Variants in SLAMF9 observed in about 807,000 individuals in gnomAD.
SLAMF9 encodes CD2 family member 10.
A neutral mutation model predicts 30.4 loss-of-function variants in SLAMF9; 25 were observed. That is an observed-to-expected ratio of 0.82 (90% CI 0.60 to 1.15). The LOEUF (loss-of-function observed/expected upper bound fraction) is 1.15. Ranked by LOEUF, SLAMF9 falls within the 50% of genes most tolerant of loss-of-function variation. SLAMF9 has a pLI of 0.00. For missense variants in SLAMF9, 344 were observed against 346.1 expected (o/e 0.99, Z 0.05); for synonymous variants, 129 against 127.2 (o/e 1.01, Z -0.09).
chr1:159,951,784 A>G lies in SLAMF9; in HGVS notation c.747T>C (p.Ile249=). 1 of 1,614,172 alleles carries G rather than the reference A, an allele frequency of 6.2e-7. No homozygotes were observed. Among genetic ancestry groups the G allele is most frequent in the Non-Finnish European group, 8.5e-7 (1 of 1,180,034 alleles). Residue 249 remains isoleucine (I), a synonymous_variant, in exon 4 of 4, where the codon ATT becomes ATC. Coordinates refer to ENST00000368093, the MANE Select transcript of SLAMF9 (RefSeq NM_033438.4). ...GGATGACCCAGAGTCCCATGGCCAG[A>G]ATTACCAAGAGCAAGAAGATGAGCA... ...KGLLIFLLLV[I]LAMGLWVIRV...
the SLAMF9 span, among the ~76,000 whole-genome samples, chr1:159,966,654 A>G: frequency 6.6e-6 from 1 of 152,226 alleles, no homozygotes; most frequent in African/African-American, 2.4e-5. Flanking sequence ...GATAAAAGCC[A>G]TTCTAACAGG....
At chr1:159,971,778 A>G in the SLAMF9 span, among the ~76,000 whole-genome samples, 7 of 152,142 alleles carry the variant, frequency 4.6e-5, no homozygotes, top group East Asian at 1.4e-3. Flanking sequence ...TTTGGGAAGG[A>G]CGCAGGGTCA....
the SLAMF9 span, among the ~76,000 whole-genome samples, chr1:159,962,204 G>A: frequency 1.3e-5 from 2 of 152,096 alleles, no homozygotes; most frequent in East Asian, 3.9e-4. Context: ...CAGAGGATGG[G>A]AGGCAAAGGG....
the SLAMF9 span, among the ~76,000 whole-genome samples, chr1:159,980,341 G>A: frequency 0.6 from 90,798 of 151,846 alleles, 31,018 homozygotes; most frequent in East Asian, 0.97. Flanking sequence ...ATCCCCCGAC[G>A]CCCTCCACCA....
At chr1:159,965,167 C>T in the SLAMF9 span, among the ~76,000 whole-genome samples, 4 of 152,196 alleles carry the variant, frequency 2.6e-5, no homozygotes, top group Non-Finnish European at 5.9e-5. Flanking sequence ...AACAGGAAAA[C>T]GCGAAGCTTA....
upstream of SLAMF9, among the ~76,000 whole-genome samples, chr1:159,957,135 A>AG (rs1001140789): frequency 1.9e-4 from 13 of 66,686 alleles, no homozygotes; most frequent in African/African-American, 5.0e-4. Flanking sequence ...AAAAAAAAAA[A>AG]AAGACAAAAA....
At chr1:159,962,156 C>CAA in the SLAMF9 span, among the ~76,000 whole-genome samples, 2 of 132,126 alleles carry the variant, frequency 1.5e-5, no homozygotes, top group African/African-American at 5.5e-5. Flanking sequence ...GACTCCATCT[C>CAA]AAAAAAAAAA....
chr1:159,963,088 C>G, the SLAMF9 span, among the ~76,000 whole-genome samples: 2 of 152,100 alleles, frequency 1.3e-5, no homozygotes, highest in Non-Finnish European at 2.9e-5. Context: ...TGGGTTCCTT[C>G]GTCTGCAGAA....
At chr1:159,966,451 G>C in the SLAMF9 span, among the ~76,000 whole-genome samples, 1 of 152,100 alleles carries the variant, frequency 6.6e-6, no homozygotes, top group African/African-American at 2.4e-5. Context: ...TTTCAACACA[G>C]CCATTTTAAT....
upstream of SLAMF9, among the ~76,000 whole-genome samples, chr1:159,955,489 A>C (rs887725697): frequency 6.6e-6 from 1 of 152,252 alleles, no homozygotes; most frequent in Non-Finnish European, 1.5e-5. Flanking sequence ...AGACGTATTC[A>C]GCTTTGGTCT....
upstream of SLAMF9, among the ~76,000 whole-genome samples, chr1:159,955,991 C>G (rs1351042071): frequency 6.6e-6 from 1 of 152,096 alleles, no homozygotes; most frequent in Non-Finnish European, 1.5e-5. Context: ...TCCAGCAATC[C>G]CACTGTTGGG....
the SLAMF9 span, among the ~76,000 whole-genome samples, chr1:159,979,484 T>C: frequency 2.0e-5 from 3 of 152,240 alleles, no homozygotes; most frequent in Middle Eastern, 3.2e-3. Flanking sequence ...TGAGCTCATG[T>C]TGGCAAATGT....
the SLAMF9 span, chr1:159,973,716 T>A: frequency 7.6e-6 from 10 of 1,314,950 alleles, no homozygotes; most frequent in Non-Finnish European, 8.7e-6. Context: ...ACAGGGGTCC[T>A]GTCCAGAGAG....
chr1:159,979,968 G>A, the SLAMF9 span, among the ~76,000 whole-genome samples: 2 of 152,192 alleles, frequency 1.3e-5, no homozygotes, highest in Admixed American at 6.5e-5. Flanking sequence ...GGACGTTTTA[G>A]GAAACTTTGG....
the SLAMF9 span, among the ~76,000 whole-genome samples, chr1:159,961,911 C>G: frequency 2.0e-5 from 3 of 152,006 alleles, no homozygotes; most frequent in Non-Finnish European, 4.4e-5. Context: ...ATAATCCCAG[C>G]ACTTTGGGAG....
rs1651750554 is a variant in SLAMF9, at chr1:159,951,716, A to G, written c.815T>C (p.Met272Thr). Residue 272 changes from methionine to threonine, a missense_variant, in exon 4 of 4, where the codon ATG becomes ACG. Transcript: ENST00000368093. ...RHKMPRMKKL[M>T]RNRMKLRKEA... is the part of the protein sequence containing the mutation. ...CTTCCTCAATTTCATTCTGTTTCTC[A>G]TGAGTTTCTTCATCCTTGGCATTTT... is the stretch of plus-strand genomic sequence containing the variant. The G allele has an allele frequency of 6.2e-7, 1 of 1,613,998 alleles. No homozygotes were observed. The highest frequency in any genetic ancestry group is 8.5e-7 in the Non-Finnish European group (1 of 1,179,892).
the SLAMF9 span, among the ~76,000 whole-genome samples, chr1:159,982,564 A>G: frequency 2.6e-5 from 4 of 152,192 alleles, no homozygotes; most frequent in Admixed American, 1.3e-4. Flanking sequence ...TTTAGCACTT[A>G]CTAATATCTC....
upstream of SLAMF9, among the ~76,000 whole-genome samples, chr1:159,956,359 A>T (rs1651923084): frequency 1.3e-5 from 2 of 152,134 alleles, no homozygotes; most frequent in Non-Finnish European, 2.9e-5. Context: ...AATCCTTGCT[A>T]TATGTGAGGC....
At chr1:159,971,290 G>A in the SLAMF9 span, among the ~76,000 whole-genome samples, 3 of 152,194 alleles carry the variant, frequency 2.0e-5, no homozygotes, top group Non-Finnish European at 2.9e-5. Flanking sequence ...AGCCCACAGC[G>A]GAGGGCAAAG....
Sources: gnomAD v4.1 joint callset for allele counts (sites outside exome capture counted in the v4.1 genomes callset) on GRCh38, gnomAD v4.1.1 for gene constraint, MANE v1.5 for transcripts, NCBI Gene and HGNC (gene_info 2026-07-23, HGNC 2026-07-21) for gene names.